DNMBP: variants seen among roughly 807,000 people sequenced by gnomAD.
The protein encoded by DNMBP is dynamin-binding protein.
DNMBP carries 87 observed loss-of-function variants against 150.0 expected under a neutral mutation model. The ratio of observed to expected loss-of-function variants is 0.58; its 90% CI spans 0.49 to 0.69. The LOEUF (loss-of-function observed/expected upper bound fraction) is 0.69, where lower values mean the gene tolerates loss of function less well. DNMBP is among the 30% of genes least tolerant of loss of function. The pLI is 0.00. For synonymous variants in DNMBP, 711 were observed against 750.4 expected, an observed-to-expected ratio of 0.95 and a Z score of 0.86; for missense variants, 1,774 against 1,949.0, an observed-to-expected ratio of 0.91 and a Z score of 1.69.
At chr10:99,884,790 C>G (rs1391962817) in intron 14 of DNMBP, among the ~76,000 whole-genome samples, 1 of 152,078 alleles carries the variant, frequency 6.6e-6, no homozygotes, top group African/African-American at 2.4e-5. Context: ...GTAATCCCAG[C>G]TACTCAAGAG....
chr10:99,974,879 T>C (rs1311584205), intron 1 of DNMBP, among the ~76,000 whole-genome samples: 1 of 152,208 alleles, frequency 6.6e-6, no homozygotes, highest in African/African-American at 2.4e-5. Flanking sequence ...TCTTCCCACC[T>C]CAGCCTCCTG....
At chr10:99,908,206 C>G in intron 5 of DNMBP, 112 bp from the exon 6 acceptor site, 1 of 723,714 alleles carries the variant, frequency 1.4e-6, no homozygotes. Context: ...AGGTCACTTT[C>G]TTCACTCACT....
intron 4 of DNMBP, among the ~76,000 whole-genome samples, chr10:99,937,666 CTCTT>C (rs531736880): frequency 8.5e-5 from 13 of 152,352 alleles, no homozygotes; most frequent in African/African-American, 2.9e-4. Flanking sequence ...CCACCATTCT[CTCTT>C]TGTTTCCAGT....
In DNMBP at chr10:99,892,057, C is replaced by G. The variant is rs528334442; in HGVS notation, c.3156+2889G>C. Among the ~76,000 whole-genome samples, 66 of 137,484 alleles carry G rather than the reference C, an allele frequency of 4.8e-4. 3 individuals are homozygous for G. The highest frequency in any genetic ancestry group is 2.1e-3 in the African/African-American group (66 of 31,760). 90.2% of individuals were successfully genotyped at this position (137,484 alleles called of 152,430 possible). A position where few individuals can be genotyped will look rare whatever the true frequency, so the allele number is the denominator to read the frequency against. Reference sequence around the variant, plus strand: ...CGGGAGGGAGGTGGGGGGGTCAGCTCCCCGCCCGGCCAGCCACCCCATCTG... The same window carrying G: ...CGGGAGGGAGGTGGGGGGGTCAGCTGCCCGCCCGGCCAGCCACCCCATCTG... On this transcript the variant is annotated intron_variant, in intron 11 of 16. Transcript: ENST00000324109.
intron 11 of DNMBP, among the ~76,000 whole-genome samples, chr10:99,891,177 CCCCTCTCCCTCT>C (rs992907948): frequency 6.8e-6 from 1 of 147,644 alleles, no homozygotes; most frequent in Non-Finnish European, 1.5e-5. Context: ...CCTCTCCCTC[CCCCTCTCCCTCT>C]CCCCACCGTC....
At chr10:99,891,863 C>T (rs545947641) in intron 11 of DNMBP, among the ~76,000 whole-genome samples, 3 of 145,080 alleles carry the variant, frequency 2.1e-5, no homozygotes, top group Non-Finnish European at 3.0e-5. Flanking sequence ...TGCCCGGCCA[C>T]GACCCCGTCT....
At chr10:99,891,374 T>C (rs1415389014) in intron 11 of DNMBP, among the ~76,000 whole-genome samples, 3 of 151,402 alleles carry the variant, frequency 2.0e-5, no homozygotes, top group African/African-American at 7.3e-5. Flanking sequence ...GGGGTTTCGC[T>C]GTGTTGGCCA....
intron 1 of DNMBP, 79 bp from the exon 2 acceptor site, chr10:99,972,213 A>G: frequency 1.5e-6 from 2 of 1,321,366 alleles, no homozygotes; most frequent in South Asian, 2.9e-5. Context: ...TGGAATGATA[A>G]AGCTTAAGAT....
intron 4 of DNMBP, among the ~76,000 whole-genome samples, chr10:99,950,135 A>C (rs905836475): frequency 7.2e-5 from 11 of 152,180 alleles, no homozygotes; most frequent in Non-Finnish European, 1.6e-4. Context: ...TGACTGAATA[A>C]GTCTCACAAA....
intron 2 of DNMBP, among the ~76,000 whole-genome samples, chr10:99,971,215 C>G (rs1036933581): frequency 6.6e-6 from 1 of 151,868 alleles, no homozygotes; most frequent in Non-Finnish European, 1.5e-5. Flanking sequence ...AAATCTTCCC[C>G]TAACTGGTAG....
intron 3 of DNMBP, among the ~76,000 whole-genome samples, chr10:99,961,267 C>CTTTT (rs555063019): frequency 2.3e-3 from 195 of 84,660 alleles, no homozygotes; most frequent in Non-Finnish European, 2.7e-3. Context: ...TTCCCTTTTT[C>CTTTT]TTTTTTTTTT....
intron 4 of DNMBP, among the ~76,000 whole-genome samples, chr10:99,933,123 A>G (rs1463332011): frequency 6.6e-6 from 1 of 151,252 alleles, no homozygotes; most frequent in Non-Finnish European, 1.5e-5. Flanking sequence ...ATGAGACCCC[A>G]TCTCCACAAT....
At chr10:99,936,067 A>G (rs751423176) in intron 4 of DNMBP, among the ~76,000 whole-genome samples, 13 of 152,214 alleles carry the variant, frequency 8.5e-5, no homozygotes, top group Non-Finnish European at 1.9e-4. Flanking sequence ...CTATAAAAGT[A>G]TAGGTAAGAT....
intron 4 of DNMBP, among the ~76,000 whole-genome samples, chr10:99,951,531 G>A (rs1471535202): frequency 6.6e-6 from 1 of 152,242 alleles, no homozygotes; most frequent in Non-Finnish European, 1.5e-5. Context: ...CAGGGGCAGA[G>A]CCGCCCAACA....
chr10:99,887,148 G>A (rs2039481746), intron 12 of DNMBP, among the ~76,000 whole-genome samples: 2 of 151,542 alleles, frequency 1.3e-5, no homozygotes, highest in Non-Finnish European at 2.9e-5. Context: ...GAGTGCAGTG[G>A]CGCAATCTCA....
chr10:99,957,586 A>G (rs765151134), intron 3 of DNMBP: 6 of 212,162 alleles, frequency 2.8e-5, no homozygotes, highest in Non-Finnish European at 4.7e-5. Context: ...CAGAAATCCG[A>G]GCACTTTGGG....
chr10:99,968,705 AGAG>A (rs2040645305), intron 3 of DNMBP, among the ~76,000 whole-genome samples: 1 of 142,432 alleles, frequency 7.0e-6, no homozygotes, highest in African/African-American at 2.7e-5. Context: ...AAAAAAAAAA[AGAG>A]AGAGAGAGCA....
At chr10:100,007,454 C>G (rs1036573062) in intron 1 of DNMBP, among the ~76,000 whole-genome samples, 6 of 152,108 alleles carry the variant, frequency 3.9e-5, no homozygotes, top group Non-Finnish European at 7.4e-5. Flanking sequence ...ACACAGGTGC[C>G]CACCCTCTCA....
In DNMBP at chr10:99,953,536, TA is replaced by T. The variant is rs141426626; in HGVS notation, c.2260+1677del. 8.1e-3 allele frequency among the ~76,000 whole-genome samples: 1,230 copies of T among 152,208 alleles called. 18 individuals carry two copies. Among genetic ancestry groups the T allele is most frequent in the African/African-American group, 0.028 (1,177 of 41,518 alleles). On this transcript the variant is annotated intron_variant, in intron 4 of 16. Transcript: ENST00000324109. ...AATAAATGTTAGCTATTACTATTATTAAAATCTACTCCCTTGGCCAGGCATG... is the reference window on the plus strand; with the variant it reads ...AATAAATGTTAGCTATTACTATTATTAAATCTACTCCCTTGGCCAGGCATG...
Sources: gnomAD v4.1 joint callset for allele counts (sites outside exome capture counted in the v4.1 genomes callset) on GRCh38, gnomAD v4.1.1 for gene constraint, MANE v1.5 for transcripts, NCBI Gene and HGNC (gene_info 2026-07-23, HGNC 2026-07-21) for gene names.